ZBTB11: variants seen among roughly 807,000 people sequenced by gnomAD.
The protein encoded by ZBTB11 is zinc finger and BTB domain containing 11.
In ZBTB11, 68 loss-of-function variants were observed where a neutral mutation model predicts 113.1. The observed-to-expected ratio is 0.60, with a 90% confidence interval of 0.49 to 0.74. The LOEUF is 0.74. ZBTB11 is among the 30% of genes least tolerant of loss of function. The pLI is 0.00. For synonymous variants in ZBTB11, 518 were observed against 452.6 expected, an observed-to-expected ratio of 1.14 and a Z score of -1.83; for missense variants, 1,104 against 1,279.4, an observed-to-expected ratio of 0.86 and a Z score of 2.09.
chr3:101,671,293 G>C lies in ZBTB11; in HGVS notation c.615C>G (p.Asn205Lys). Reference protein sequence around the residue: ...KHCQAVLKQLNEQRLSNQFCD... With the variant: ...KHCQAVLKQLKEQRLSNQFCD... ...AGAACTGGTTGGAAAGTCTCTGTTC[G>C]TTCAGCTGTTTTAAGACAGCCTGAC... The change falls in exon 3 of 11, where the codon AAC becomes AAG. Residue 205 changes from asparagine to lysine, a missense_variant. By Grantham distance (94) the Asn-to-Lys change is moderately conservative. Around this residue, in one of 5 missense-constraint regions of ZBTB11, gnomAD observed 245 missense variants for 272.5 expected, o/e 0.90. Transcript: ENST00000312938. 1.2e-6 allele frequency: 2 copies of C among 1,614,084 alleles called. No homozygotes were observed. The highest frequency in any genetic ancestry group is 1.1e-5 in the South Asian group (1 of 91,080).
chr3:101,665,466 G>C lies in ZBTB11; in HGVS notation c.1121C>G (p.Ala374Gly). Residue 374 changes from alanine (A) to glycine (G), a missense_variant, in exon 4 of 11, where the codon GCT becomes GGT. By Grantham distance (60) the Ala-to-Gly change is moderately conservative. Transcript: ENST00000312938. The stretch of plus-strand genomic sequence containing the variant: ...TCGTCCTACCTCTCCATTCTGCTCA[G>C]CTTCTGGCAATTCTCCATTTACCAG... ...VLLVNGELPE[A>G]EQNGEVGRQP... is the part of the protein sequence containing the mutation. 1 of 1,614,126 alleles carries C rather than the reference G, an allele frequency of 6.2e-7. No homozygotes were observed. Among genetic ancestry groups the C allele is most frequent in the African/African-American group, 1.3e-5 (1 of 75,018 alleles).
chr3:101,665,069 C>G lies in ZBTB11; in HGVS notation c.1518G>C (p.Arg506Ser). 2 of 1,614,118 alleles carry G rather than the reference C, an allele frequency of 1.2e-6. No homozygotes were observed. Among genetic ancestry groups the G allele is most frequent in the East Asian group, 2.2e-5 (1 of 44,876 alleles). ...CTTCATTAACAGAACGTTGTCGAAG[C>G]CTGCTTCTATAAGTATCATCATCAG... is the stretch of plus-strand genomic sequence containing the variant. ...FGPDDDTYRS[R>S]LRQRSVNEGA... Residue 506 changes from arginine to serine, a missense_variant, in exon 4 of 11, where the codon AGG becomes AGC. By Grantham distance (110) the Arg-to-Ser change is moderately radical (BLOSUM62 -1). Around this residue, in one of 5 missense-constraint regions of ZBTB11, gnomAD observed 535 missense variants for 518.6 expected, o/e 1.03. Transcript: ENST00000312938.
intron 4 of ZBTB11, 29 bp from the exon 5 acceptor site, chr3:101,664,743 G>T: frequency 6.5e-7 from 1 of 1,550,140 alleles, no homozygotes. Flanking sequence ...CACAATCTAA[G>T]TAAATCTACT....
intron 1 of ZBTB11, among the ~76,000 whole-genome samples, chr3:101,673,522 T>C (rs1241150577): frequency 1.3e-5 from 2 of 151,834 alleles, no homozygotes; most frequent in Non-Finnish European, 2.9e-5. Flanking sequence ...CCTTACACTT[T>C]TTTTTTTTTG....
At chr3:101,652,298 C>A (rs1936718334) in intron 10 of ZBTB11, among the ~76,000 whole-genome samples, 198 bp downstream of exon 10, 1 of 152,076 alleles carries the variant, frequency 6.6e-6, no homozygotes, top group South Asian at 2.1e-4. Context: ...AATGTGGATA[C>A]AGAATTAAGT....
rs1243500041 is a variant in ZBTB11 at position 101,651,620 on chromosome 3, C to T, written c.2708G>A (p.Arg903His). Reference protein sequence around the residue: ...VAWADARSLKRHVRTHTGERP... With the variant: ...VAWADARSLKHHVRTHTGERP... ...TTCACCAGTATGTGTTCTGACATGG[C>T]GTTTTAGAGATCGGGCATCAGCCCA... The change falls in exon 11 of 11, where the codon CGC becomes CAC. Residue 903 changes from arginine (R) to histidine (H), a missense_variant. Coordinates refer to ENST00000312938, the MANE Select transcript of ZBTB11 (RefSeq NM_014415.4). 2 of 1,606,662 alleles carry T rather than the reference C, an allele frequency of 1.2e-6. No homozygotes were observed. Among genetic ancestry groups the T allele is most frequent in the Non-Finnish European group, 1.7e-6 (2 of 1,177,544 alleles).
At chr3:101,676,560 G>C in intron 1 of ZBTB11, 45 bp downstream of exon 1, 1 of 1,443,830 alleles carries the variant, frequency 6.9e-7, no homozygotes, top group East Asian at 2.6e-5. Flanking sequence ...CCTTGCCCAG[G>C]CAACGAGTCG....
At chr3:101,674,664 A>G (rs1937134030) in intron 1 of ZBTB11, among the ~76,000 whole-genome samples, 1 of 151,870 alleles carries the variant, frequency 6.6e-6, no homozygotes, top group Non-Finnish European at 1.5e-5. Flanking sequence ...GCGCCACTGC[A>G]CTCCAGCCTG....
intron 1 of ZBTB11, 115 bp downstream of exon 1, chr3:101,676,490 G>A (rs905417125): frequency 1.2e-4 from 131 of 1,102,300 alleles, no homozygotes; most frequent in Middle Eastern, 3.0e-4. Context: ...CAGCAGCTCC[G>A]CCGCCCAGAG....
Position 101,677,063 on chromosome 3 carries a change from A to C in ZBTB11, c.-149T>G. 2.3e-6 allele frequency: 2 copies of C among 882,696 alleles called. No individual in the cohort carries two copies. The highest frequency in any genetic ancestry group is 3.3e-6 in the Non-Finnish European group (2 of 613,312). The allele number at this position is 882,696 out of a possible 1,614,324, so 54.7% of individuals were successfully genotyped here. The stretch of plus-strand genomic sequence containing the variant: ...GCTCTTCGACGGCTCCCTTAGTCCG[A>C]AGGAAAAGCGGGCGAGTTGGTAACC... On this transcript the variant is annotated 5_prime_UTR_variant, in exon 1 of 11. Transcript: ENST00000312938.
At chr3:101,660,209 G>C (rs956238831) in intron 5 of ZBTB11, among the ~76,000 whole-genome samples, 181 bp from the exon 6 acceptor site, 1 of 152,188 alleles carries the variant, frequency 6.6e-6, no homozygotes, top group African/African-American at 2.4e-5. Flanking sequence ...CTATTCTGCA[G>C]AGGCTAAAGT....
intron 10 of ZBTB11, among the ~76,000 whole-genome samples, chr3:101,652,128 CAAA>C (rs756406346): frequency 3.5e-5 from 5 of 141,536 alleles, no homozygotes; most frequent in Non-Finnish European, 7.7e-5. Context: ...GACTTTGTCT[CAAA>C]AAAAAAAAGA....
intron 7 of ZBTB11, among the ~76,000 whole-genome samples, chr3:101,655,473 A>C (rs1055559194): frequency 1.3e-5 from 2 of 152,196 alleles, no homozygotes; most frequent in African/African-American, 4.8e-5. Flanking sequence ...TATGGACAAA[A>C]AAATATAAGC....
At chr3:101,663,130 G>A (rs1043971444) in intron 5 of ZBTB11, among the ~76,000 whole-genome samples, 11 of 152,086 alleles carry the variant, frequency 7.2e-5, no homozygotes, top group East Asian at 1.9e-4. Flanking sequence ...TAGTACAGGC[G>A]GGTTTCACCA....
rs1287612967 is a variant in ZBTB11 at position 101,677,102 on chromosome 3, C to G, written c.-188G>C. On this transcript the variant is annotated 5_prime_UTR_variant, in exon 1 of 11. Coordinates refer to ENST00000312938, the MANE Select transcript of ZBTB11 (RefSeq NM_014415.4). ...GAGTTGGTAACCAGGGGGAACTGCACTTCTCCAGCGCGCGGGATCCGCTGG... is the reference window on the plus strand; with the variant it reads ...GAGTTGGTAACCAGGGGGAACTGCAGTTCTCCAGCGCGCGGGATCCGCTGG... 2 of 618,640 alleles carry G rather than the reference C, an allele frequency of 3.2e-6. No homozygotes were observed. Among genetic ancestry groups the G allele is most frequent in the East Asian group, 3.2e-5 (1 of 30,868 alleles). The allele number at this position is 618,640 out of a possible 1,614,324, so 38.3% of individuals were successfully genotyped here.
Position 101,650,553 on chromosome 3 carries a change from T to C in ZBTB11, c.*613A>G, listed in dbSNP as rs1007314176. On this transcript the variant is annotated 3_prime_UTR_variant, in exon 11 of 11. Transcript: ENST00000312938. ...AGATAAATATATTGTGCAAACTTGA[T>C]TACAACATGTAACTCATAAGTGCTT... The C allele has an allele frequency of 6.6e-6, 1 of 152,594 alleles. No individual in the cohort carries two copies. Among genetic ancestry groups the C allele is most frequent in the African/African-American group, 2.4e-5 (1 of 41,456 alleles). 9.5% of individuals were successfully genotyped at this position (152,594 alleles called of 1,614,324 possible).
chr3:101,651,829 T>C, intron 10 of ZBTB11, 146 bp from the exon 11 acceptor site: 1 of 921,566 alleles, frequency 1.1e-6, no homozygotes, highest in Non-Finnish European at 1.5e-6. Flanking sequence ...TTTAGGACTT[T>C]CCTTAGAATA....
In ZBTB11 at chr3:101,672,220, T is replaced by C; in HGVS notation, c.311-7A>G. The C allele has an allele frequency of 6.3e-7, 1 of 1,575,496 alleles. No individual in the cohort carries two copies. The highest frequency in any genetic ancestry group is 8.6e-7 in the Non-Finnish European group (1 of 1,157,256). On this transcript the variant is annotated splice_polypyrimidine_tract_variant and splice_region_variant and intron_variant, in intron 1 of 10. Coordinates refer to ENST00000312938, the MANE Select transcript of ZBTB11 (RefSeq NM_014415.4). ...TTGACTTGCTTCAATATACCTACAA[T>C]GAAAATATTAACAAGTCAAATTTAA...
rs1026248518 is a variant in ZBTB11, at chr3:101,650,573, G to A, written c.*593C>T. ...CTTGATTACAACATGTAACTCATAAGTGCTTTAAAATAGAATAAAGCATCC... is the reference window on the plus strand; with the variant it reads ...CTTGATTACAACATGTAACTCATAAATGCTTTAAAATAGAATAAAGCATCC... On this transcript the variant is annotated 3_prime_UTR_variant, in exon 11 of 11. Coordinates refer to ENST00000312938, the MANE Select transcript of ZBTB11 (RefSeq NM_014415.4). 1 of 152,454 alleles carries A rather than the reference G, an allele frequency of 6.6e-6. No individual in the cohort carries two copies. Among genetic ancestry groups the A allele is most frequent in the Admixed American group, 6.5e-5 (1 of 15,270 alleles). The allele number at this position is 152,454 out of a possible 1,614,324, so 9.4% of individuals were successfully genotyped here. A position where few individuals can be genotyped will look rare whatever the true frequency, so the allele number is the denominator to read the frequency against.
Sources: allele counts gnomAD v4.1 joint callset (sites outside exome capture counted in the v4.1 genomes callset), GRCh38; gene constraint gnomAD v4.1.1; regional missense constraint gnomAD v4.1.1; transcripts MANE v1.5; gene names NCBI Gene and HGNC (gene_info 2026-07-23, HGNC 2026-07-21).